Variants in CFAP69 observed in about 807,000 individuals in gnomAD.
CFAP69 encodes cilia and flagella associated protein 69.
CFAP69 carries 92 observed loss-of-function variants against 123.0 expected under a neutral mutation model. That is an observed-to-expected ratio of 0.75 (90% CI 0.63 to 0.89). CFAP69 has a LOEUF of 0.89. Ranked by LOEUF, CFAP69 falls within the 40% of genes least tolerant of loss-of-function variation. The probability of loss-of-function intolerance (pLI) is 0.00; values close to 1 mark genes in which losing one functional copy is unlikely to be tolerated. For missense variants in CFAP69, 1,067 were observed against 1,096.9 expected (o/e 0.97, Z 0.39); for synonymous variants, 380 against 364.3 (o/e 1.04, Z -0.49).
In CFAP69 at chr7:90,288,336, A is replaced by G. The variant is rs773119448; in HGVS notation, c.1759A>G (p.Thr587Ala). ...GLGYNVLLFS[T>A]LDSIWCCILG... Reference sequence around the variant, plus strand: ...AGGCTATAATGTACTTCTTTTTAGTACATTGGACAGCATTTGGTGAGTATT... The same window carrying G: ...AGGCTATAATGTACTTCTTTTTAGTGCATTGGACAGCATTTGGTGAGTATT... Residue 587 changes from threonine (T) to alanine (A), a missense_variant, in exon 15 of 23, where the codon ACA becomes GCA. Coordinates refer to ENST00000389297, the MANE Select transcript of CFAP69 (RefSeq NM_001039706.3). The G allele has an allele frequency of 6.2e-7, 1 of 1,610,874 alleles. No homozygotes were observed. Among genetic ancestry groups the G allele is most frequent in the Non-Finnish European group, 8.5e-7 (1 of 1,177,820 alleles).
At chr7:90,263,420 T>C (rs939419402) in intron 4 of CFAP69, among the ~76,000 whole-genome samples, 1 of 152,172 alleles carries the variant, frequency 6.6e-6, no homozygotes, top group Non-Finnish European at 1.5e-5. Flanking sequence ...TAGTATGGTT[T>C]TCTCATGGCA....
At chr7:90,313,562 T>C (rs1478214687), downstream of CFAP69, among the ~76,000 whole-genome samples, 3 of 152,192 alleles carry the variant, frequency 2.0e-5, no homozygotes, top group East Asian at 5.8e-4. Flanking sequence ...GGCGCAGAAA[T>C]ATATGAGTCT....
Position 90,245,451 on chromosome 7 carries a change from C to A in CFAP69, c.27C>A (p.Thr9=), listed in dbSNP as rs1261239564. ...TGTGGACAGAGGAAGCCGGGGCGAC[C>A]GCCGAGGCCCAGGAATCCGGCATCA... MWTEEAGA[T]AEAQESGIRN... is the part of the protein sequence containing the mutation. Residue 9 remains threonine, a synonymous_variant, in exon 1 of 23, where the codon ACC becomes ACA. Coordinates refer to ENST00000389297, the MANE Select transcript of CFAP69 (RefSeq NM_001039706.3). 4 of 1,556,988 alleles carry A rather than the reference C, an allele frequency of 2.6e-6. No individual in the cohort carries two copies. In the African/African-American group the frequency reaches 4.3e-5, roughly 17 times the overall value.
chr7:90,286,303 C>T lies in CFAP69; in HGVS notation c.1560C>T (p.Ser520=). The T allele has an allele frequency of 6.2e-7, 1 of 1,602,358 alleles. No homozygotes were observed. The highest frequency in any genetic ancestry group is 8.5e-7 in the Non-Finnish European group (1 of 1,171,850). ...CAGGAATCTTTAAAAATATAATAAGCAAGCCTAATGAAAAGGAAGAAGCCA... is the reference window on the plus strand; with the variant it reads ...CAGGAATCTTTAAAAATATAATAAGTAAGCCTAATGAAAAGGAAGAAGCCA... ...QMIGIFKNII[S]KPNEKEEAIV... The change falls in exon 14 of 23, where the codon AGC becomes AGT. Residue 520 remains serine (S), a synonymous_variant. Coordinates refer to ENST00000389297, the MANE Select transcript of CFAP69 (RefSeq NM_001039706.3).
chr7:90,302,320 G>A (rs1037473306), intron 17 of CFAP69: 4 of 152,118 alleles, frequency 2.6e-5, no homozygotes, highest in African/African-American at 9.7e-5. Flanking sequence ...AAGTTCTTAA[G>A]TTTAATTAGA....
chr7:90,261,002 A>G (rs1277805571), intron 3 of CFAP69, among the ~76,000 whole-genome samples: 1 of 152,194 alleles, frequency 6.6e-6, no homozygotes, highest in Non-Finnish European at 1.5e-5. Flanking sequence ...ATAAGATTCA[A>G]CCAAGAAGTG....
At chr7:90,284,521 GA>G (rs1411411925) in intron 13 of CFAP69, among the ~76,000 whole-genome samples, 6 of 152,276 alleles carry the variant, frequency 3.9e-5, no homozygotes, top group Non-Finnish European at 8.8e-5. Context: ...TCCTTAATGA[GA>G]AAATAGAAAC....
intron 13 of CFAP69, among the ~76,000 whole-genome samples, chr7:90,284,473 G>A (rs1789966072): frequency 6.6e-6 from 1 of 152,118 alleles, no homozygotes; most frequent in African/African-American, 2.4e-5. Flanking sequence ...AGACACTGGG[G>A]TTACAAACAT....
intron 15 of CFAP69, among the ~76,000 whole-genome samples, chr7:90,296,729 A>G (rs1002780279): frequency 6.6e-6 from 1 of 152,202 alleles, no homozygotes; most frequent in Non-Finnish European, 1.5e-5. Flanking sequence ...GTCAGTACAC[A>G]TAAGGTGTGC....
At position 90,261,853 on chromosome 7, in the gene CFAP69, G is replaced by A. The variant is rs142157191; in HGVS notation, c.247-94G>A. ...ATCTACCACATTTGGCAAAATAGTT[G>A]GAATTCTATAGACTTTCTTCACAGA... On this transcript the variant is annotated intron_variant, in intron 3 of 22. Coordinates refer to ENST00000389297, the MANE Select transcript of CFAP69 (RefSeq NM_001039706.3). 3.2e-3 allele frequency: 1,943 copies of A among 608,752 alleles called. 28 individuals carry two copies. In the African/African-American group the frequency reaches 0.034, roughly 11 times the overall value. The allele number at this position is 608,752 out of a possible 1,614,324, so 37.7% of individuals were successfully genotyped here.
intron 15 of CFAP69, among the ~76,000 whole-genome samples, chr7:90,288,809 C>T (rs1179245854): frequency 2.0e-5 from 3 of 152,018 alleles, no homozygotes; most frequent in Admixed American, 6.6e-5. Context: ...TATCAACACT[C>T]TACATTTAGA....
At chr7:90,269,758 G>A (rs1395590787) in intron 6 of CFAP69, among the ~76,000 whole-genome samples, 2 of 152,118 alleles carry the variant, frequency 1.3e-5, no homozygotes, top group African/African-American at 2.4e-5. Context: ...ATCAGATGGT[G>A]AAGAAAAAGA....
At chr7:90,319,515 C>T in the CFAP69 span, 10 of 398,426 alleles carry the variant, frequency 2.5e-5, no homozygotes, top group Non-Finnish European at 4.0e-5. Context: ...GAGATTTTTG[C>T]AAGAACAACA....
At chr7:90,270,892 G>C (rs1306952005) in intron 6 of CFAP69, among the ~76,000 whole-genome samples, 1 of 152,012 alleles carries the variant, frequency 6.6e-6, no homozygotes, top group African/African-American at 2.4e-5. Context: ...ATGTCACCAA[G>C]AATCAAACTT....
intron 3 of CFAP69, among the ~76,000 whole-genome samples, chr7:90,259,401 C>G (rs1389819008): frequency 1.3e-5 from 2 of 152,116 alleles, no homozygotes; most frequent in Admixed American, 1.3e-4. Flanking sequence ...TGAGTGAGAC[C>G]CTGTCTCAAA....
intron 14 of CFAP69, chr7:90,287,530 T>G (rs537352560): frequency 1.0e-6 from 1 of 985,352 alleles, no homozygotes; most frequent in Non-Finnish European, 1.2e-6. Context: ...GTCTCAGAGA[T>G]TGATAATTTA....
At chr7:90,309,136 T>C in intron 21 of CFAP69, 127 bp from the exon 22 acceptor site, 1 of 479,258 alleles carries the variant, frequency 2.1e-6, no homozygotes, top group East Asian at 3.3e-5. Context: ...TAAATGCAGA[T>C]TTCAGCGCTA....
chr7:90,277,156 A>G (rs981623406), intron 10 of CFAP69, 35 bp downstream of exon 10: 1 of 1,575,806 alleles, frequency 6.3e-7, no homozygotes. Flanking sequence ...TCTTATAATT[A>G]TCTTGATAAG....
At chr7:90,321,004 G>A in the CFAP69 span, 1 of 152,254 alleles carries the variant, frequency 6.6e-6, no homozygotes, top group Non-Finnish European at 1.5e-5. Flanking sequence ...CGGTGTCCTG[G>A]GTGCGCTACG....
Sources: allele counts gnomAD v4.1 joint callset (sites outside exome capture counted in the v4.1 genomes callset), GRCh38; gene constraint gnomAD v4.1.1; transcripts MANE v1.5; gene names NCBI Gene and HGNC (gene_info 2026-07-23, HGNC 2026-07-21).